SLC45A4: variants seen among roughly 807,000 people sequenced by gnomAD.
SLC45A4 encodes polyamine-transporter SLC45A4.
SLC45A4 carries 32 observed loss-of-function variants against 63.7 expected under a neutral mutation model. The ratio of observed to expected loss-of-function variants is 0.50; its 90% CI spans 0.38 to 0.67. The LOEUF is 0.67. SLC45A4 is among the 30% of genes least tolerant of loss of function. The probability of loss-of-function intolerance (pLI) is 0.00; values close to 1 mark genes in which losing one functional copy is unlikely to be tolerated. For synonymous variants in SLC45A4, 535 were observed against 510.0 expected, an observed-to-expected ratio of 1.05 and a Z score of -0.66; for missense variants, 1,027 against 1,157.7, an observed-to-expected ratio of 0.89 and a Z score of 1.64.
intron 1 of SLC45A4, among the ~76,000 whole-genome samples, chr8:141,280,653 C>A (rs1033644948): frequency 6.6e-6 from 1 of 152,180 alleles, no homozygotes; most frequent in African/African-American, 2.4e-5. Flanking sequence ...GCTGGCCCAC[C>A]CTCTGCAGGG....
intron 1 of SLC45A4, among the ~76,000 whole-genome samples, chr8:141,302,029 A>C (rs1034439361): frequency 2.6e-5 from 4 of 152,100 alleles, no homozygotes; most frequent in African/African-American, 7.2e-5. Context: ...GTTCACAAAG[A>C]AAAAAACTGC....
At chr8:141,222,246 G>A (rs1250134098) in intron 2 of SLC45A4, among the ~76,000 whole-genome samples, 1 of 152,232 alleles carries the variant, frequency 6.6e-6, no homozygotes, top group Non-Finnish European at 1.5e-5. Flanking sequence ...ACAGAGGCAG[G>A]AAGGGCCCAC....
chr8:141,254,477 T>C lies in SLC45A4; in HGVS notation c.-248A>G. The C allele has an allele frequency of 1.5e-6, 1 of 675,886 alleles. No homozygotes were observed. Among genetic ancestry groups the C allele is most frequent in the East Asian group, 2.7e-5 (1 of 36,992 alleles). The allele number at this position is 675,886 out of a possible 1,614,324, so 41.9% of individuals were successfully genotyped here. On this transcript the variant is annotated 5_prime_UTR_variant, in exon 2 of 9. Transcript: ENST00000517878. The surrounding 1 kb of genome is among the most constrained non-coding windows in gnomAD (Gnocchi z 4.5). ...ATATGGCTTGCTGGTTTACTGTGAATTAGAGTTAAAAATCCATAATTGCCA... is the reference window on the plus strand; with the variant it reads ...ATATGGCTTGCTGGTTTACTGTGAACTAGAGTTAAAAATCCATAATTGCCA...
intron 1 of SLC45A4, among the ~76,000 whole-genome samples, chr8:141,285,154 G>T (rs1830091003): frequency 1.3e-5 from 2 of 152,218 alleles, no homozygotes; most frequent in South Asian, 4.1e-4. Flanking sequence ...CTGAGGGCGG[G>T]TGAAACGCCA....
At position 141,255,281 on chromosome 8, in the gene SLC45A4, T is replaced by G. The variant is rs10089212; in HGVS notation, c.-400-652A>C. On this transcript the variant is annotated intron_variant, in intron 1 of 8. Transcript: ENST00000517878. Reference sequence around the variant, plus strand: ...TAATTTTTCTAGGGTCCCCATTACATTGACCTGGCTGGTATCCAACTCCTG... The same window carrying G: ...TAATTTTTCTAGGGTCCCCATTACAGTGACCTGGCTGGTATCCAACTCCTG... Among the ~76,000 whole-genome samples, 50 of 151,938 alleles carry G rather than the reference T, an allele frequency of 3.3e-4. 1 individual carries two copies. Among genetic ancestry groups the G allele is most frequent in the Middle Eastern group, 3.4e-3 (1 of 294 alleles).
chr8:141,233,151 C>T (rs1827452950), intron 2 of SLC45A4, among the ~76,000 whole-genome samples: 1 of 152,180 alleles, frequency 6.6e-6, no homozygotes, highest in South Asian at 2.1e-4. Context: ...AACGGCCAGC[C>T]CGCAAAGTTC....
chr8:141,219,795 G>C lies in SLC45A4; in HGVS notation c.465C>G (p.Pro155=). The C allele has an allele frequency of 6.3e-7, 1 of 1,591,884 alleles. No individual in the cohort carries two copies. Among genetic ancestry groups the C allele is most frequent in the Non-Finnish European group, 8.5e-7 (1 of 1,170,146 alleles). The change falls in exon 4 of 9, where the codon CCC becomes CCG. Residue 155 remains proline, a synonymous_variant. Transcript: ENST00000517878. ...LALGDVPNRQ[P]IGIVLTVLGV... ...CCAGCACCGTGAGCACGATGCCAAT[G>C]GGCTGCCGGTTGGGGACATCGCCGA...
At chr8:141,245,148 C>T (rs1828122715) in intron 2 of SLC45A4, among the ~76,000 whole-genome samples, 1 of 152,156 alleles carries the variant, frequency 6.6e-6, no homozygotes, top group Admixed American at 6.5e-5. Context: ...CTAACAATTA[C>T]AGGCTCTGTT....
intron 2 of SLC45A4, chr8:141,225,129 C>T (rs373412579): frequency 1.2e-4 from 18 of 152,168 alleles, no homozygotes; most frequent in African/African-American, 3.9e-4. Flanking sequence ...GCGACATCAT[C>T]GTGGGTCAGC....
intron 5 of SLC45A4, among the ~76,000 whole-genome samples, chr8:141,217,810 C>CA (rs1043730628): frequency 2.4e-4 from 37 of 152,338 alleles, no homozygotes; most frequent in African/African-American, 8.2e-4. Flanking sequence ...CCCATGACCC[C>CA]AGGACGGCCC....
rs992688470 is a variant in SLC45A4, at chr8:141,254,334, T to C, written c.-105A>G. The C allele has an allele frequency of 1.5e-6, 2 of 1,305,846 alleles. No individual in the cohort carries two copies. The highest frequency in any genetic ancestry group is 1.0e-6 in the Non-Finnish European group (1 of 980,414). The allele number at this position is 1,305,846 out of a possible 1,614,324, so 80.9% of individuals were successfully genotyped here. ...AGACGTCTTCTCTTTCTGCTTCTGC[T>C]GTGTTCCTCGGGCAGGTAACACTTA... On this transcript the variant is annotated 5_prime_UTR_variant, in exon 2 of 9. Coordinates refer to ENST00000517878, the MANE Select transcript of SLC45A4 (RefSeq NM_001286646.2). The surrounding 1 kb of genome is among the most constrained non-coding windows in gnomAD (Gnocchi z 4.5).
chr8:141,281,763 C>A (rs757105616), intron 1 of SLC45A4, among the ~76,000 whole-genome samples: 1 of 152,206 alleles, frequency 6.6e-6, no homozygotes, highest in Non-Finnish European at 1.5e-5. Context: ...AAAGAATCAT[C>A]TAATAATGAT....
intron 2 of SLC45A4, among the ~76,000 whole-genome samples, chr8:141,232,407 T>A (rs1347469800): frequency 6.6e-6 from 1 of 152,238 alleles, no homozygotes; most frequent in Non-Finnish European, 1.5e-5. Context: ...TGTTTGTAGC[T>A]TTGATTATAA....
intron 6 of SLC45A4, 100 bp from the exon 7 acceptor site, chr8:141,216,070 C>T: frequency 9.4e-7 from 1 of 1,067,796 alleles, no homozygotes; most frequent in South Asian, 1.4e-5. Flanking sequence ...TCCCCCCGAC[C>T]TCCACTCCTT....
chr8:141,283,698 A>C (rs6988174), intron 1 of SLC45A4, among the ~76,000 whole-genome samples: 36,890 of 152,120 alleles, frequency 0.24, 4,745 homozygotes, highest in Admixed American at 0.3. Context: ...GCAGAAGAAA[A>C]GTGGCAGTGT....
intron 1 of SLC45A4, among the ~76,000 whole-genome samples, chr8:141,294,921 C>T (rs576744073): frequency 1.3e-5 from 2 of 152,284 alleles, no homozygotes; most frequent in East Asian, 1.9e-4. Flanking sequence ...AGCCTCAGCT[C>T]GAAGGTGAGG....
intron 1 of SLC45A4, among the ~76,000 whole-genome samples, chr8:141,258,693 G>A (rs1828917313): frequency 6.6e-6 from 1 of 151,980 alleles, no homozygotes; most frequent in Admixed American, 6.5e-5. Flanking sequence ...GACCAGCCTG[G>A]GCAACACAGC....
rs184384239 is a variant in SLC45A4 at position 141,264,030 on chromosome 8, C to T, written c.-400-9401G>A. Among the ~76,000 whole-genome samples the T allele has an allele frequency of 3.3e-5, 5 of 152,228 alleles. No individual in the cohort carries two copies. The East Asian group carries it at 9.7e-4, about 29-fold the overall frequency. ...CTGAGTATTTCTTCAGTTAAAGGGC[C>T]AAGGCTGAAGGACAGGTTCCTGGGT... On this transcript the variant is annotated intron_variant, in intron 1 of 8. Coordinates refer to ENST00000517878, the MANE Select transcript of SLC45A4 (RefSeq NM_001286646.2).
rs1189081989 is a variant in SLC45A4 at position 141,229,649 on chromosome 8, C to T, written c.242-7884G>A. ...CACGGCCTGCACCCATGGCAGAGACCCTGCTGCCACTCCAGTGCGTGCCAG... is the reference window on the plus strand; with the variant it reads ...CACGGCCTGCACCCATGGCAGAGACTCTGCTGCCACTCCAGTGCGTGCCAG... On this transcript the variant is annotated intron_variant, in intron 2 of 8. Transcript: ENST00000517878. The surrounding 1 kb of genome is among the most constrained non-coding windows in gnomAD (Gnocchi z 5.0). Among the ~76,000 whole-genome samples the T allele has an allele frequency of 6.6e-6, 1 of 152,134 alleles. No homozygotes were observed. Among genetic ancestry groups the T allele is most frequent in the Non-Finnish European group, 1.5e-5 (1 of 68,012 alleles).
Sources: allele counts gnomAD v4.1 joint callset (sites outside exome capture counted in the v4.1 genomes callset), GRCh38; gene constraint gnomAD v4.1.1; non-coding constraint Gnocchi (gnomAD v3.1); transcripts MANE v1.5; gene names NCBI Gene and HGNC (gene_info 2026-07-23, HGNC 2026-07-21).